GALNTL6: variants seen among roughly 807,000 people sequenced by gnomAD.
GALNTL6 encodes polypeptide N-acetylgalactosaminyltransferase like 6, also known as polypeptide N-acetylgalactosaminyltransferase-like 6.
In GALNTL6, 46 loss-of-function variants were observed where a neutral mutation model predicts 73.7. The ratio of observed to expected loss-of-function variants is 0.62; its 90% CI spans 0.49 to 0.80. The LOEUF (loss-of-function observed/expected upper bound fraction) is 0.80. Ranked by LOEUF, GALNTL6 falls within the 30% of genes least tolerant of loss-of-function variation. GALNTL6 has a pLI of 0.00. For missense variants in GALNTL6, 604 were observed against 755.0 expected, an observed-to-expected ratio of 0.80 and a Z score of 2.34; for synonymous variants, 259 against 263.7, an observed-to-expected ratio of 0.98 and a Z score of 0.17.
chr4:172,522,119 T>G (rs557251728), intron 5 of GALNTL6, among the ~76,000 whole-genome samples: 2 of 152,314 alleles, frequency 1.3e-5, no homozygotes, highest in African/African-American at 2.4e-5. Flanking sequence ...AAAAATATTT[T>G]AAGTCTTTGT....
intron 5 of GALNTL6, among the ~76,000 whole-genome samples, chr4:172,461,846 G>C (rs1426955265): frequency 6.6e-6 from 1 of 152,186 alleles, no homozygotes; most frequent in Non-Finnish European, 1.5e-5. Context: ...GGGATGCCCA[G>C]ATAGCCAGTA....
chr4:172,744,695 C>T (rs1376193066), intron 5 of GALNTL6, among the ~76,000 whole-genome samples: 1 of 152,134 alleles, frequency 6.6e-6, no homozygotes, highest in African/African-American at 2.4e-5. Context: ...ACTGCCTCCA[C>T]CTTTTCTCTC....
At chr4:172,681,362 C>T (rs1220450427) in intron 5 of GALNTL6, among the ~76,000 whole-genome samples, 6 of 151,806 alleles carry the variant, frequency 4.0e-5, no homozygotes, top group Non-Finnish European at 7.4e-5. Flanking sequence ...TCACTTTATA[C>T]AAGATGAATT....
chr4:172,316,084 T>C (rs186920160), intron 4 of GALNTL6, among the ~76,000 whole-genome samples: 4 of 152,280 alleles, frequency 2.6e-5, no homozygotes, highest in African/African-American at 9.6e-5. Context: ...TCCCTGCATA[T>C]GGAAGAATTA....
intron 2 of GALNTL6, among the ~76,000 whole-genome samples, chr4:172,160,112 A>T (rs1162974173): frequency 6.6e-6 from 1 of 152,010 alleles, no homozygotes; most frequent in Non-Finnish European, 1.5e-5. Flanking sequence ...TATTTGTGAG[A>T]TGTGCTGAAA....
intron 10 of GALNTL6, among the ~76,000 whole-genome samples, chr4:172,979,718 C>T (rs1411551859): frequency 6.6e-6 from 1 of 152,200 alleles, no homozygotes; most frequent in Admixed American, 6.5e-5. Flanking sequence ...CACTGGTTGA[C>T]ACCTACCACT....
chr4:172,995,000 T>G (rs762560327), intron 10 of GALNTL6, among the ~76,000 whole-genome samples: 1 of 152,188 alleles, frequency 6.6e-6, no homozygotes, highest in African/African-American at 2.4e-5. Flanking sequence ...GACACCATAT[T>G]GTGTGAGTAG....
chr4:172,915,948 G>A (rs1338128254), intron 8 of GALNTL6, among the ~76,000 whole-genome samples: 1 of 152,110 alleles, frequency 6.6e-6, no homozygotes, highest in African/African-American at 2.4e-5. Flanking sequence ...AACAAAAAAA[G>A]AGAATTATAG....
At chr4:172,357,833 C>G (rs1742217899) in intron 5 of GALNTL6, among the ~76,000 whole-genome samples, 1 of 152,116 alleles carries the variant, frequency 6.6e-6, no homozygotes, top group South Asian at 2.1e-4. Flanking sequence ...TGAATAAACT[C>G]TAGCTCTATC....
intron 5 of GALNTL6, among the ~76,000 whole-genome samples, chr4:172,587,539 C>T (rs2110989605): frequency 6.6e-6 from 1 of 152,298 alleles, no homozygotes; most frequent in South Asian, 2.1e-4. Flanking sequence ...CAGTGTGTCT[C>T]CCACCAACCT....
chr4:171,882,324 G>T (rs1004961725), intron 2 of GALNTL6, among the ~76,000 whole-genome samples: 1 of 152,178 alleles, frequency 6.6e-6, no homozygotes, highest in Non-Finnish European at 1.5e-5. Flanking sequence ...GAACTAATAT[G>T]TGGATAGGAG....
chr4:172,207,464 C>G (rs949538288), intron 2 of GALNTL6, among the ~76,000 whole-genome samples: 1 of 152,078 alleles, frequency 6.6e-6, no homozygotes, highest in African/African-American at 2.4e-5. Context: ...GAAGAGGAAG[C>G]ATCAAAAGTT....
At chr4:172,937,476 T>A (rs1012871719) in intron 9 of GALNTL6, among the ~76,000 whole-genome samples, 1 of 152,258 alleles carries the variant, frequency 6.6e-6, no homozygotes, top group South Asian at 2.1e-4. Context: ...AGTGACAGCC[T>A]GGGATAGCCT....
At chr4:172,949,908 C>CA (rs533279404) in intron 9 of GALNTL6, among the ~76,000 whole-genome samples, 671 of 57,252 alleles carry the variant, frequency 0.012, 6 homozygotes, top group Middle Eastern at 0.032. Flanking sequence ...GACTCTGTCT[C>CA]AAAAAAAAAA....
intron 2 of GALNTL6, among the ~76,000 whole-genome samples, chr4:172,011,152 G>C (rs916333616): frequency 6.6e-6 from 1 of 152,038 alleles, no homozygotes; most frequent in South Asian, 2.1e-4. Flanking sequence ...CCTTGACATT[G>C]ACAAATTCCG....
chr4:172,895,234 A>C (rs1746256941), intron 8 of GALNTL6, among the ~76,000 whole-genome samples: 1 of 150,784 alleles, frequency 6.6e-6, no homozygotes. Context: ...TCATTTTGTT[A>C]CTTGTTTTCT....
chr4:172,877,727 G>T (rs1308048558), intron 7 of GALNTL6, among the ~76,000 whole-genome samples: 1 of 151,428 alleles, frequency 6.6e-6, no homozygotes, highest in African/African-American at 2.4e-5. Context: ...TCTATGGCCT[G>T]TAGAAAAAAA....
chr4:172,725,143 C>T (rs1735722443), intron 5 of GALNTL6, among the ~76,000 whole-genome samples: 2 of 152,272 alleles, frequency 1.3e-5, no homozygotes, highest in South Asian at 4.1e-4. Flanking sequence ...ATTCTCATCT[C>T]CTACCTTAGT....
intron 3 of GALNTL6, among the ~76,000 whole-genome samples, chr4:172,242,752 C>T (rs1468471506): frequency 7.2e-6 from 1 of 139,230 alleles, no homozygotes; most frequent in Non-Finnish European, 1.6e-5. Flanking sequence ...TACTATAGCT[C>T]TGGAAGGAAA....
Sources: allele counts gnomAD v4.1 joint callset (sites outside exome capture counted in the v4.1 genomes callset), GRCh38; gene constraint gnomAD v4.1.1; transcripts MANE v1.5; gene names NCBI Gene and HGNC (gene_info 2026-07-23, HGNC 2026-07-21).